CADM2: variants seen among roughly 807,000 people sequenced by gnomAD.
CADM2 encodes the protein immunoglobulin superfamily member 4D.
CADM2 carries 12 observed loss-of-function variants against 49.8 expected under a neutral mutation model. The ratio of observed to expected loss-of-function variants is 0.24; its 90% CI spans 0.15 to 0.39. CADM2 has a LOEUF of 0.39. Ranked by LOEUF, CADM2 falls within the 10% of genes least tolerant of loss-of-function variation. The probability of loss-of-function intolerance (pLI) is 1.00; values close to 1 mark genes in which losing one functional copy is unlikely to be tolerated. For synonymous variants in CADM2, 214 were observed against 175.4 expected, an observed-to-expected ratio of 1.22 and a Z score of -1.74; for missense variants, 378 against 492.3, an observed-to-expected ratio of 0.77 and a Z score of 2.20.
chr3:86,022,953 T>G (rs1446898411), intron 8 of CADM2, among the ~76,000 whole-genome samples: 1 of 152,148 alleles, frequency 6.6e-6, no homozygotes, highest in Non-Finnish European at 1.5e-5. Flanking sequence ...TATAGGCATC[T>G]TTTCATATAC....
intron 7 of CADM2, among the ~76,000 whole-genome samples, chr3:85,950,442 A>G (rs1056737524): frequency 2.0e-5 from 3 of 151,094 alleles, no homozygotes; most frequent in African/African-American, 7.3e-5. Context: ...TTGTTGTGCC[A>G]TAAATTGGCT....
At chr3:85,189,427 G>A (rs2041149656) in intron 1 of CADM2, among the ~76,000 whole-genome samples, 2 of 152,042 alleles carry the variant, frequency 1.3e-5, no homozygotes, top group South Asian at 4.1e-4. Context: ...AGGCAATTAT[G>A]TAGGTAACTG....
intron 1 of CADM2, among the ~76,000 whole-genome samples, chr3:85,163,052 A>G (rs1285563837): frequency 6.6e-6 from 1 of 152,116 alleles, no homozygotes; most frequent in Non-Finnish European, 1.5e-5. Flanking sequence ...TAAATTTGAA[A>G]TAGTTATATG....
At chr3:85,772,839 G>GTGTA (rs2070161253) in intron 2 of CADM2, among the ~76,000 whole-genome samples, 1 of 150,314 alleles carries the variant, frequency 6.7e-6, no homozygotes, top group African/African-American at 2.4e-5. Context: ...GCAGCCTTAG[G>GTGTA]TGTACAGTAA....
chr3:85,323,118 A>G (rs762517670), intron 1 of CADM2, among the ~76,000 whole-genome samples: 2 of 152,010 alleles, frequency 1.3e-5, no homozygotes, highest in Non-Finnish European at 2.9e-5. Context: ...TAGAGCTCCC[A>G]TCTTCTTGGA....
intron 2 of CADM2, among the ~76,000 whole-genome samples, chr3:85,757,571 C>T (rs878970858): frequency 1.3e-5 from 2 of 151,904 alleles, no homozygotes; most frequent in Admixed American, 6.6e-5. Flanking sequence ...CACTAAAATA[C>T]GAGGAGTGAT....
intron 1 of CADM2, among the ~76,000 whole-genome samples, chr3:85,069,450 T>C (rs58613299): frequency 0.049 from 7,476 of 152,208 alleles, 245 homozygotes; most frequent in East Asian, 0.15. Flanking sequence ...TAAGTATTAA[T>C]AACCAATTCA....
At chr3:85,420,122 G>A (rs1229915796) in intron 1 of CADM2, among the ~76,000 whole-genome samples, 1 of 152,098 alleles carries the variant, frequency 6.6e-6, no homozygotes, top group African/African-American at 2.4e-5. Context: ...TTACAGTTAG[G>A]GCCAAGTTTT....
intron 1 of CADM2, among the ~76,000 whole-genome samples, chr3:85,505,159 C>G (rs1016402580): frequency 6.6e-6 from 1 of 152,198 alleles, no homozygotes; most frequent in Non-Finnish European, 1.5e-5. Flanking sequence ...TCTCAAGTGC[C>G]GCCAAAGTGG....
intron 1 of CADM2, among the ~76,000 whole-genome samples, chr3:85,352,334 CTAACTT>C (rs1452794628): frequency 6.6e-6 from 1 of 151,974 alleles, no homozygotes; most frequent in Non-Finnish European, 1.5e-5. Flanking sequence ...AGTTGTCAGT[CTAACTT>C]TAGGAGGACT....
At chr3:85,965,676 C>G (rs1455750454) in intron 8 of CADM2, among the ~76,000 whole-genome samples, 3 of 151,552 alleles carry the variant, frequency 2.0e-5, no homozygotes, top group South Asian at 4.1e-4. Flanking sequence ...TATAGTCACC[C>G]TTGTTCTCTA....
At chr3:84,981,062 G>A (rs1488962352) in intron 1 of CADM2, among the ~76,000 whole-genome samples, 2 of 151,524 alleles carry the variant, frequency 1.3e-5, no homozygotes, top group African/African-American at 2.4e-5. Context: ...GTGCCATGCT[G>A]GTGCGCTGCA....
chr3:85,650,576 C>G (rs2065017203), intron 1 of CADM2, among the ~76,000 whole-genome samples: 1 of 150,484 alleles, frequency 6.6e-6, no homozygotes. Context: ...CAGTGGTTCT[C>G]AAAGTATAAA....
At chr3:85,241,431 G>A (rs1224561475) in intron 1 of CADM2, among the ~76,000 whole-genome samples, 4 of 151,392 alleles carry the variant, frequency 2.6e-5, no homozygotes, top group Non-Finnish European at 4.4e-5. Context: ...TGAGTAGTCA[G>A]GATAATTTAG....
chr3:85,089,485 G>A (rs940948532), intron 1 of CADM2, among the ~76,000 whole-genome samples: 23 of 152,140 alleles, frequency 1.5e-4, no homozygotes, highest in Admixed American at 7.2e-4. Context: ...TCCAAGTTTA[G>A]CAGTTTAGTC....
chr3:85,836,382 T>C (rs1345891453), intron 3 of CADM2, among the ~76,000 whole-genome samples: 1 of 151,690 alleles, frequency 6.6e-6, no homozygotes, highest in East Asian at 1.9e-4. Flanking sequence ...GTTTTGATTC[T>C]TTCTATCTTC....
chr3:85,816,256 T>G (rs1436024217), intron 3 of CADM2, among the ~76,000 whole-genome samples: 1 of 151,890 alleles, frequency 6.6e-6, no homozygotes, highest in African/African-American at 2.4e-5. Context: ...GGTGTAAACT[T>G]AGCTCTAGAG....
chr3:85,756,202 A>G (rs2069113659), intron 2 of CADM2, among the ~76,000 whole-genome samples: 1 of 152,140 alleles, frequency 6.6e-6, no homozygotes, highest in Non-Finnish European at 1.5e-5. Context: ...AAGAGATTTA[A>G]TGGTCTATAT....
chr3:85,411,981 C>A lies in CADM2; in HGVS notation c.62-314541C>A, dbSNP rs2035676925. On this transcript the variant is annotated intron_variant, in intron 1 of 9. Transcript: ENST00000383699. ...TCACTGTGATTACACCCATATGCCA[C>A]CATGCCCAGCTATTTTTTATATTTT... Among the ~76,000 whole-genome samples the A allele has an allele frequency of 2.6e-5, 4 of 152,126 alleles. No individual in the cohort carries two copies. The South Asian group carries it at 6.2e-4, about 24-fold the overall frequency.
Sources: gnomAD v4.1 joint callset for allele counts (sites outside exome capture counted in the v4.1 genomes callset) on GRCh38, gnomAD v4.1.1 for gene constraint, MANE v1.5 for transcripts, NCBI Gene and HGNC (gene_info 2026-07-23, HGNC 2026-07-21) for gene names.